Variants in GAS7 observed in about 807,000 individuals in gnomAD.
The protein encoded by GAS7 is growth arrest specific 7.
GAS7 carries 28 observed loss-of-function variants against 71.1 expected under a neutral mutation model. That is an observed-to-expected ratio of 0.39 (90% CI 0.29 to 0.54). The LOEUF is 0.54. GAS7 is among the 20% of genes least tolerant of loss of function. The pLI, the probability that GAS7 is intolerant of heterozygous loss-of-function variation, is 0.62. For synonymous variants in GAS7, 258 were observed against 245.8 expected, an observed-to-expected ratio of 1.05 and a Z score of -0.46; for missense variants, 436 against 627.8, an observed-to-expected ratio of 0.69 and a Z score of 3.27.
intron 3 of GAS7, among the ~76,000 whole-genome samples, chr17:9,975,533 C>CA (rs1332585218): frequency 6.7e-6 from 1 of 149,556 alleles, no homozygotes; most frequent in African/African-American, 2.5e-5. Context: ...TCTTTCTCAC[C>CA]CCCCCCTTTT....
At chr17:10,106,350 G>T (rs1227754320) in intron 1 of GAS7, among the ~76,000 whole-genome samples, 3 of 152,164 alleles carry the variant, frequency 2.0e-5, no homozygotes, top group Non-Finnish European at 2.9e-5. Context: ...CTGCAGCCCA[G>T]CTTTGGCTCT....
At chr17:10,027,924 G>A (rs1024735322) in intron 1 of GAS7, among the ~76,000 whole-genome samples, 6 of 152,220 alleles carry the variant, frequency 3.9e-5, no homozygotes, top group South Asian at 2.1e-4. Flanking sequence ...TCACTCTGTC[G>A]CCAGGCTGGA....
intron 1 of GAS7, among the ~76,000 whole-genome samples, chr17:10,030,752 T>C (rs772111332): frequency 2.6e-5 from 4 of 152,228 alleles, no homozygotes; most frequent in Non-Finnish European, 5.9e-5. Flanking sequence ...CCAAGTGTCC[T>C]CAGGCCTCAC....
intron 1 of GAS7, among the ~76,000 whole-genome samples, chr17:10,095,965 T>G (rs2073637627): frequency 6.6e-6 from 1 of 152,092 alleles, no homozygotes; most frequent in South Asian, 2.1e-4. Flanking sequence ...TCCTCATTCC[T>G]CAACCTGGCT....
At chr17:9,965,468 C>T (rs959442862) in intron 4 of GAS7, among the ~76,000 whole-genome samples, 1 of 152,064 alleles carries the variant, frequency 6.6e-6, no homozygotes, top group African/African-American at 2.4e-5. Flanking sequence ...ACAATGGGAC[C>T]ATATGGACAC....
intron 3 of GAS7, among the ~76,000 whole-genome samples, chr17:9,977,411 C>T (rs1442935042): frequency 6.6e-6 from 1 of 152,204 alleles, no homozygotes; most frequent in Non-Finnish European, 1.5e-5. Flanking sequence ...TCCCTTTTCA[C>T]TCATTTTCTT....
At chr17:10,086,695 GCA>G (rs1310474075) in intron 1 of GAS7, among the ~76,000 whole-genome samples, 1 of 152,222 alleles carries the variant, frequency 6.6e-6, no homozygotes, top group African/African-American at 2.4e-5. Context: ...TTGAAGGGTG[GCA>G]TGTGGAAGAA....
intron 2 of GAS7, among the ~76,000 whole-genome samples, chr17:9,998,559 G>A (rs554810802): frequency 1.3e-5 from 2 of 152,228 alleles, no homozygotes; most frequent in East Asian, 3.9e-4. Context: ...TTGAGCCCAG[G>A]AGCTCGAGAC....
Position 10,178,882 on chromosome 17 carries a change from A to C in GAS7, c.183+19326T>G, listed in dbSNP as rs553878405. Among the ~76,000 whole-genome samples, 760 of 151,966 alleles carry C rather than the reference A, an allele frequency of 5.0e-3. 3 individuals are homozygous for C. Among genetic ancestry groups the C allele is most frequent in the Non-Finnish European group, 8.3e-3 (562 of 67,976 alleles). On this transcript the variant is annotated intron_variant, in intron 1 of 13. Coordinates refer to ENST00000432992, the MANE Select transcript of GAS7 (RefSeq NM_201433.2). ...GTTAACAGAGGGAATTAGAGAAAAA[A>C]GGTGAGCAGAGAGAGCCCTACAACC...
intron 1 of GAS7, among the ~76,000 whole-genome samples, chr17:10,152,660 G>T (rs2074175305): frequency 6.6e-6 from 1 of 152,204 alleles, no homozygotes; most frequent in Non-Finnish European, 1.5e-5. Context: ...CAAGATGGCA[G>T]AGGAGGAGAC....
At chr17:9,964,419 G>C (rs1449752387) in intron 4 of GAS7, among the ~76,000 whole-genome samples, 1 of 152,060 alleles carries the variant, frequency 6.6e-6, no homozygotes, top group Non-Finnish European at 1.5e-5. Flanking sequence ...GCTCCTCGTG[G>C]CAGGCCTGCG....
intron 5 of GAS7, 121 bp from the exon 6 acceptor site, chr17:9,947,104 T>C: frequency 1.6e-6 from 1 of 618,320 alleles, no homozygotes; most frequent in Non-Finnish European, 2.9e-6. Flanking sequence ...CGCACAGGGA[T>C]CTTCCCGTGC....
At chr17:10,188,624 G>A (rs1171794079) in intron 1 of GAS7, among the ~76,000 whole-genome samples, 2 of 152,028 alleles carry the variant, frequency 1.3e-5, no homozygotes, top group Non-Finnish European at 2.9e-5. Context: ...CTTTTTATAT[G>A]GTTTTGTGTG....
intron 1 of GAS7, among the ~76,000 whole-genome samples, chr17:10,136,023 G>C (rs916996906): frequency 6.6e-6 from 1 of 152,106 alleles, no homozygotes; most frequent in Non-Finnish European, 1.5e-5. Flanking sequence ...GGTTCAGCTC[G>C]GAACAACACC....
At chr17:10,086,691 G>A (rs1308820825) in intron 1 of GAS7, among the ~76,000 whole-genome samples, 1 of 152,202 alleles carries the variant, frequency 6.6e-6, no homozygotes, top group African/African-American at 2.4e-5. Context: ...CACCTTGAAG[G>A]GTGGCATGTG....
At chr17:10,178,400 C>T (rs1030774030) in intron 1 of GAS7, among the ~76,000 whole-genome samples, 3 of 152,096 alleles carry the variant, frequency 2.0e-5, no homozygotes, top group Non-Finnish European at 4.4e-5. Flanking sequence ...GAGGACTCTG[C>T]ATAGATGAGG....
chr17:9,963,039 G>A (rs1482738538), intron 4 of GAS7, among the ~76,000 whole-genome samples: 8 of 131,032 alleles, frequency 6.1e-5, no homozygotes, highest in Non-Finnish European at 4.8e-5. Flanking sequence ...TCAAGGTGAT[G>A]AAAAAAAAAA....
chr17:10,032,517 C>A (rs1274955369), intron 1 of GAS7, among the ~76,000 whole-genome samples: 1 of 152,172 alleles, frequency 6.6e-6, no homozygotes, highest in Non-Finnish European at 1.5e-5. Flanking sequence ...ATTATCTTAG[C>A]CTCTCTGGGC....
rs2073724138 is a variant in GAS7 at position 10,103,262 on chromosome 17, T to C, written c.184-83365A>G. Among the ~76,000 whole-genome samples, 1 of 152,060 alleles carries C rather than the reference T, an allele frequency of 6.6e-6. No individual in the cohort carries two copies. Among genetic ancestry groups the C allele is most frequent in the Non-Finnish European group, 1.5e-5 (1 of 68,000 alleles). Reference sequence around the variant, plus strand: ...AGGAGGCTAAGGTGGGAGAATCACCTGAGCCTGGGGAGTAGAGGCTGCAGT... The same window carrying C: ...AGGAGGCTAAGGTGGGAGAATCACCCGAGCCTGGGGAGTAGAGGCTGCAGT... On this transcript the variant is annotated intron_variant, in intron 1 of 13. Transcript: ENST00000432992. The surrounding 1 kb of genome is among the most constrained non-coding windows in gnomAD (Gnocchi z 5.5).
Sources: gnomAD v4.1 joint callset for allele counts (sites outside exome capture counted in the v4.1 genomes callset) on GRCh38, gnomAD v4.1.1 for gene constraint, Gnocchi (gnomAD v3.1) non-coding constraint, MANE v1.5 for transcripts, NCBI Gene and HGNC (gene_info 2026-07-23, HGNC 2026-07-21) for gene names.